The following LRRC27 variants were observed in gnomAD, a reference collection of about 807,000 sequenced individuals.
The protein encoded by LRRC27 is leucine rich repeat containing 27.
In LRRC27, 57 loss-of-function variants were observed where a neutral mutation model predicts 55.0. That is an observed-to-expected ratio of 1.04 (90% CI 0.84 to 1.29). The LOEUF is 1.29. LRRC27 is among the 50% of genes most tolerant of loss of function. The pLI is 0.00. For synonymous variants in LRRC27, 278 were observed against 251.9 expected (o/e 1.10, Z -0.98); for missense variants, 721 against 651.5 (o/e 1.11, Z -1.16).
At chr10:132,342,558 G>C (rs949917533) in intron 4 of LRRC27, among the ~76,000 whole-genome samples, 2 of 152,184 alleles carry the variant, frequency 1.3e-5, no homozygotes, top group African/African-American at 4.8e-5. Context: ...ACCTCTGCAG[G>C]CCCTGCGTGC....
intron 2 of LRRC27, 148 bp from the exon 3 acceptor site, chr10:132,337,417 T>C (rs1257999526): frequency 7.0e-7 from 1 of 1,423,908 alleles, no homozygotes; most frequent in East Asian, 2.5e-5. Context: ...TTACATCTTT[T>C]AAGGGTAAGA....
intron 8 of LRRC27, among the ~76,000 whole-genome samples, chr10:132,361,151 G>A (rs79917531): frequency 0.088 from 13,417 of 152,234 alleles, 773 homozygotes; most frequent in African/African-American, 0.17. Flanking sequence ...GGCGTGGGGG[G>A]CATAAGGGCA....
Position 132,378,150 on chromosome 10 carries a change from G to A in LRRC27, c.*2908G>A, listed in dbSNP as rs2069361877. On this transcript the variant is annotated 3_prime_UTR_variant, in exon 11 of 11. Coordinates refer to ENST00000368614, the MANE Select transcript of LRRC27 (RefSeq NM_030626.3). ...AGATCGCGCCACTGCACTCCAGCCT[G>A]GGCGACAGAGCGAGACTCCGTCTCA... 6.6e-6 allele frequency: 1 copy of A among 151,354 alleles called. No individual in the cohort carries two copies. The allele number at this position is 151,354 out of a possible 1,614,324, so 9.4% of individuals were successfully genotyped here.
At position 132,372,680 on chromosome 10, in the gene LRRC27, T is replaced by A. The variant is rs2133109497; in HGVS notation, c.1417-2386T>A. 6.6e-6 allele frequency among the ~76,000 whole-genome samples: 1 copy of A among 152,298 alleles called. No homozygotes were observed. The highest frequency in any genetic ancestry group is 6.5e-5 in the Admixed American group (1 of 15,302). ...CAGCCTACCCAGCAGGAGCCAGGGC[T>A]GCCTCTAGATAAGCTGACCAACCAG... On this transcript the variant is annotated intron_variant, in intron 10 of 10. Coordinates refer to ENST00000368614, the MANE Select transcript of LRRC27 (RefSeq NM_030626.3). The surrounding 1 kb of genome is among the most constrained non-coding windows in gnomAD (Gnocchi z 4.0).
chr10:132,353,042 A>G, intron 7 of LRRC27: 21 of 1,569,852 alleles, frequency 1.3e-5, no homozygotes, highest in Middle Eastern at 1.8e-4. Flanking sequence ...CTCCAGCTCC[A>G]CTGACCACCT....
At chr10:132,364,583 G>A in intron 9 of LRRC27, among the ~76,000 whole-genome samples, 2 of 11,256 alleles carry the variant, frequency 1.8e-4, no homozygotes, top group Non-Finnish European at 3.4e-4. Flanking sequence ...ACACCCTGGG[G>A]CCCCACACTC....
intron 3 of LRRC27, among the ~76,000 whole-genome samples, chr10:132,338,858 C>T (rs1313642444): frequency 2.0e-5 from 3 of 152,006 alleles, no homozygotes; most frequent in South Asian, 2.1e-4. Context: ...TACAGGTGCC[C>T]GCCACCATGC....
rs1393056517 is a variant in LRRC27 at position 132,342,275 on chromosome 10, A to G, written c.400+4A>G. ...AAAATGTTACCTGTGGAGCTGGGTA[A>G]GTATAAAATAATAAAAAGATGATTT... On this transcript the variant is annotated splice_donor_region_variant and intron_variant, in intron 4 of 10. Coordinates refer to ENST00000368614, the MANE Select transcript of LRRC27 (RefSeq NM_030626.3). 4.7e-6 allele frequency: 7 copies of G among 1,498,830 alleles called. No individual in the cohort carries two copies. The highest frequency in any genetic ancestry group is 6.3e-6 in the Non-Finnish European group (7 of 1,112,680). The allele number at this position is 1,498,830 out of a possible 1,614,324, so 92.8% of individuals were successfully genotyped here.
intron 10 of LRRC27, among the ~76,000 whole-genome samples, chr10:132,371,227 G>GC (rs761291682): frequency 1.2e-4 from 18 of 152,356 alleles, no homozygotes; most frequent in Non-Finnish European, 2.2e-4. Flanking sequence ...TGCGTCGGGA[G>GC]CACCCCCCCA....
intron 4 of LRRC27, among the ~76,000 whole-genome samples, chr10:132,343,690 A>C (rs985850326): frequency 1.3e-5 from 2 of 152,268 alleles, no homozygotes; most frequent in African/African-American, 2.4e-5. Context: ...AGAGCCTAAT[A>C]CTTAACCTAC....
intron 2 of LRRC27, among the ~76,000 whole-genome samples, chr10:132,334,344 T>C (rs2067012435): frequency 6.6e-6 from 1 of 152,238 alleles, no homozygotes; most frequent in Admixed American, 6.5e-5. Flanking sequence ...ACATCATTTA[T>C]TGTGAAAATG....
chr10:132,333,058 C>T (rs1217622525), intron 1 of LRRC27, among the ~76,000 whole-genome samples: 1 of 152,114 alleles, frequency 6.6e-6, no homozygotes, highest in Non-Finnish European at 1.5e-5. Context: ...GGCTTCCTGG[C>T]CTCAAGAAAC....
rs1337112971 is a variant in LRRC27, at chr10:132,355,869, C to T, written c.1153C>T (p.Pro385Ser). ...GAAGGAAGAGCTCAGCAAACTCCTG[C>T]CTCCGCGGAGGAGCATGGTACGGCA... is the stretch of plus-strand genomic sequence containing the variant. The part of the protein sequence containing the change: ...KRKEELSKLL[P>S]PRRSMVASKI... Residue 385 changes from proline to serine, a missense_variant, in exon 8 of 11, where the codon CCT becomes TCT. Physicochemically the swap from Pro to Ser is moderately conservative, Grantham distance 74 (BLOSUM62 -1). Coordinates refer to ENST00000368614, the MANE Select transcript of LRRC27 (RefSeq NM_030626.3). 6.4e-7 allele frequency: 1 copy of T among 1,555,458 alleles called. No individual in the cohort carries two copies. Among genetic ancestry groups the T allele is most frequent in the South Asian group, 1.2e-5 (1 of 84,302 alleles).
chr10:132,355,941 G>A (rs1254661239), intron 8 of LRRC27, 55 bp downstream of exon 8: 2 of 1,246,818 alleles, frequency 1.6e-6, no homozygotes, highest in African/African-American at 3.0e-5. Flanking sequence ...GGGTGGGTGG[G>A]TGCTCACAGG....
At position 132,353,121 on chromosome 10, in the gene LRRC27, C is replaced by T. The variant is rs996798104; in HGVS notation, c.1073+1368C>T. Reference sequence around the variant, plus strand: ...CCACAGCCACAGCACCCCCGTGCCCCTCACTTGGTGGTTGGCTTTGGCCAG... The same window carrying T: ...CCACAGCCACAGCACCCCCGTGCCCTTCACTTGGTGGTTGGCTTTGGCCAG... On this transcript the variant is annotated intron_variant, in intron 7 of 10. Transcript: ENST00000368614. 6 of 1,468,224 alleles carry T rather than the reference C, an allele frequency of 4.1e-6. No homozygotes were observed. In the Admixed American group the frequency reaches 9.2e-5, roughly 23 times the overall value. 90.9% of individuals were successfully genotyped at this position (1,468,224 alleles called of 1,614,324 possible). A position where few individuals can be genotyped will look rare whatever the true frequency, so the allele number is the denominator to read the frequency against.
At chr10:132,371,705 C>T (rs972927859) in intron 10 of LRRC27, among the ~76,000 whole-genome samples, 3 of 152,210 alleles carry the variant, frequency 2.0e-5, no homozygotes, top group South Asian at 2.1e-4. Context: ...CTGTTCCGGC[C>T]GGCAGGATGT....
At chr10:132,350,289 G>C (rs1564837288) in intron 6 of LRRC27, 1 of 152,380 alleles carries the variant, frequency 6.6e-6, no homozygotes, top group South Asian at 2.1e-4. Context: ...GCTGGAGTAC[G>C]ACGGAGCATC....
Position 132,348,025 on chromosome 10 carries a change from A to G in LRRC27, c.595A>G (p.Ser199Gly). 6.2e-7 allele frequency: 1 copy of G among 1,612,870 alleles called. No homozygotes were observed. Among genetic ancestry groups the G allele is most frequent in the Non-Finnish European group, 8.5e-7 (1 of 1,179,704 alleles). ...AGAGATGACCCTCCGTGACCTCCCG[A>G]GCCCAGGACTGGAGTTGTCTGGAGA... ...VREMTLRDLP[S>G]PGLELSGDHA... is the part of the protein sequence containing the mutation. Residue 199 changes from serine to glycine, a missense_variant, in exon 6 of 11, where the codon AGC becomes GGC. Transcript: ENST00000368614. This position sits in a 1 kb window ranked among gnomAD's most constrained non-coding sequence, Gnocchi z 4.2.
chr10:132,359,297 CAT>C (rs1332103856), intron 8 of LRRC27, among the ~76,000 whole-genome samples: 1 of 152,136 alleles, frequency 6.6e-6, no homozygotes. Flanking sequence ...TAAAAGCAAT[CAT>C]ATAGGCATTT....
Sources: gnomAD v4.1 joint callset for allele counts (sites outside exome capture counted in the v4.1 genomes callset) on GRCh38, gnomAD v4.1.1 for gene constraint, Gnocchi (gnomAD v3.1) non-coding constraint, MANE v1.5 for transcripts, NCBI Gene and HGNC (gene_info 2026-07-23, HGNC 2026-07-21) for gene names.